The following CDYL variants were observed in gnomAD, a reference collection of about 807,000 sequenced individuals.
CDYL encodes the protein chromodomain Y like.
Under a neutral mutation model 47.3 loss-of-function variants are expected in CDYL, and 8 were observed. That is an observed-to-expected ratio of 0.17 (90% confidence interval 0.10 to 0.31). CDYL has a LOEUF of 0.31. Among genes scored for constraint, CDYL ranks in the 10% least tolerant of loss-of-function variants. The pLI, the probability that CDYL is intolerant of heterozygous loss-of-function variation, is 1.00. For missense variants in CDYL, 471 were observed against 701.4 expected, an observed-to-expected ratio of 0.67 and a Z score of 3.71; for synonymous variants, 266 against 265.0, an observed-to-expected ratio of 1.00 and a Z score of -0.04.
At chr6:4,801,308 T>G (rs937660288) in intron 1 of CDYL, among the ~76,000 whole-genome samples, 1 of 152,242 alleles carries the variant, frequency 6.6e-6, no homozygotes, top group Non-Finnish European at 1.5e-5. Context: ...TCAGACGTTT[T>G]TGAAATATTT....
At chr6:4,923,922 A>G (rs923510161) in intron 2 of CDYL, among the ~76,000 whole-genome samples, 15 of 151,178 alleles carry the variant, frequency 9.9e-5, no homozygotes, top group African/African-American at 3.2e-4. Context: ...AAAAAATCAA[A>G]AAAAAAAAAG....
At chr6:4,836,786 G>A (rs995480893) in intron 1 of CDYL, among the ~76,000 whole-genome samples, 4 of 152,216 alleles carry the variant, frequency 2.6e-5, no homozygotes, top group African/African-American at 7.2e-5. Flanking sequence ...GACTGAGTGC[G>A]AGGAAGGGCA....
intron 2 of CDYL, among the ~76,000 whole-genome samples, chr6:4,895,612 C>T (rs941280021): frequency 5.9e-5 from 9 of 151,542 alleles, no homozygotes; most frequent in Non-Finnish European, 1.3e-4. Context: ...AACTTCGAGC[C>T]AACAAGGTTA....
At chr6:4,939,319 A>G (rs1758294874) in intron 4 of CDYL, among the ~76,000 whole-genome samples, 1 of 152,052 alleles carries the variant, frequency 6.6e-6, no homozygotes, top group East Asian at 1.9e-4. Context: ...AGTCTGGGGT[A>G]GGCAGGGACG....
At chr6:4,800,729 CT>C (rs1211263900) in intron 1 of CDYL, among the ~76,000 whole-genome samples, 1 of 152,096 alleles carries the variant, frequency 6.6e-6, no homozygotes, top group African/African-American at 2.4e-5. Flanking sequence ...CCTTTTCCTT[CT>C]TCAGTAATTT....
chr6:4,734,199 A>G (rs1757660099), intron 2 of CDYL, among the ~76,000 whole-genome samples: 1 of 152,124 alleles, frequency 6.6e-6, no homozygotes, highest in Non-Finnish European at 1.5e-5. Flanking sequence ...ACTAGGGGAA[A>G]GGTGCCTTTA....
At chr6:4,814,189 G>T (rs1300515806) in intron 1 of CDYL, among the ~76,000 whole-genome samples, 2 of 152,092 alleles carry the variant, frequency 1.3e-5, no homozygotes, top group African/African-American at 4.8e-5. Context: ...AAACTTTTGG[G>T]AACAAAACAT....
At position 4,822,774 on chromosome 6, in the gene CDYL, A is replaced by G. The variant is rs529759881; in HGVS notation, c.24+45967A>G. ...TGCAAAATATTTTCAGTGAGTTTTC[A>G]GATTAATATTTGTCTCAGTCATGTA... On this transcript the variant is annotated intron_variant, in intron 1 of 6. Transcript: ENST00000397588. Among the ~76,000 whole-genome samples the G allele has an allele frequency of 3.9e-5, 6 of 152,306 alleles. No homozygotes were observed. In the East Asian group the frequency reaches 1.2e-3, roughly 29 times the overall value.
Position 4,935,714 on chromosome 6 carries a change from C to T in CDYL, c.891C>T (p.Gly297=). 1.2e-6 allele frequency: 2 copies of T among 1,614,258 alleles called. No homozygotes were observed. Among genetic ancestry groups the T allele is most frequent in the Non-Finnish European group, 1.7e-6 (2 of 1,180,044 alleles). The change falls in exon 3 of 7, where the codon GGC becomes GGT. Residue 297 remains glycine, a synonymous_variant. Coordinates refer to ENST00000397588, the MANE Select transcript of CDYL (RefSeq NM_004824.4). ...ATATTGTGGTCAGGAAGCAGGATGGCTTCACCCACATCTTGTTATCCACAA... is the reference window on the plus strand; with the variant it reads ...ATATTGTGGTCAGGAAGCAGGATGGTTTCACCCACATCTTGTTATCCACAA... The part of the protein sequence containing the change: ...YRDIVVRKQD[G]FTHILLSTKS...
chr6:4,883,653 A>G (rs1761822922), intron 1 of CDYL, among the ~76,000 whole-genome samples: 1 of 152,172 alleles, frequency 6.6e-6, no homozygotes. Flanking sequence ...TGAGCTGTAG[A>G]CCTTTAAGAG....
chr6:4,831,305 A>G (rs1472709608), intron 1 of CDYL, among the ~76,000 whole-genome samples: 2 of 152,206 alleles, frequency 1.3e-5, no homozygotes, highest in African/African-American at 4.8e-5. Flanking sequence ...ATGGCTAGCC[A>G]GTTTTCCCTG....
chr6:4,710,379 G>GGAAGGAAGGAAGGAAGGAAGGAA (rs1757128696), intron 1 of CDYL, among the ~76,000 whole-genome samples: 8 of 101,160 alleles, frequency 7.9e-5, no homozygotes, highest in Non-Finnish European at 1.3e-4. Context: ...GAGGGAGGGA[G>GGAAGGAAGGAAGGAAGGAAGGAA]GGAAGGAAGG....
chr6:4,836,297 T>C, intron 1 of CDYL: 1 of 982,040 alleles, frequency 1.0e-6, no homozygotes, highest in Non-Finnish European at 1.2e-6. Flanking sequence ...AAAAGTTGCA[T>C]AGAACCAAAA....
chr6:4,925,316 G>C (rs191618562), intron 2 of CDYL, among the ~76,000 whole-genome samples: 15 of 152,000 alleles, frequency 9.9e-5, no homozygotes, highest in Non-Finnish European at 1.6e-4. Flanking sequence ...GGCTAAGAAT[G>C]AGCACATTTA....
chr6:4,855,368 GCA>G (rs1228786772), intron 1 of CDYL, among the ~76,000 whole-genome samples: 15 of 152,258 alleles, frequency 9.9e-5, no homozygotes, highest in African/African-American at 3.4e-4. Context: ...AGAGCTCACT[GCA>G]GCCTCGAACT....
intron 6 of CDYL, 100 bp from the exon 7 acceptor site, chr6:4,953,798 T>C (rs1581299543): frequency 9.0e-7 from 1 of 1,111,052 alleles, no homozygotes; most frequent in East Asian, 2.5e-5. Context: ...TAACAGGTGA[T>C]TGCTGGAATT....
At chr6:4,728,990 T>C (rs1296805422) in intron 2 of CDYL, among the ~76,000 whole-genome samples, 1 of 152,174 alleles carries the variant, frequency 6.6e-6, no homozygotes, top group Non-Finnish European at 1.5e-5. Flanking sequence ...AGCACATGCC[T>C]TCCCAAAGAT....
intron 4 of CDYL, among the ~76,000 whole-genome samples, chr6:4,942,334 A>C (rs752064705): frequency 6.6e-6 from 1 of 152,126 alleles, no homozygotes; most frequent in Non-Finnish European, 1.5e-5. Flanking sequence ...CCTGCCAAAA[A>C]ATATGAGTCA....
At chr6:4,750,104 T>C (rs1440413938) in intron 3 of CDYL, among the ~76,000 whole-genome samples, 1 of 152,118 alleles carries the variant, frequency 6.6e-6, no homozygotes, top group Non-Finnish European at 1.5e-5. Context: ...TTTGGGAGGC[T>C]GAGGCTGGAA....
Sources: gnomAD v4.1 joint callset for allele counts (sites outside exome capture counted in the v4.1 genomes callset) on GRCh38, gnomAD v4.1.1 for gene constraint, MANE v1.5 for transcripts, NCBI Gene and HGNC (gene_info 2026-07-23, HGNC 2026-07-21) for gene names.